TBXAS1: variants seen among roughly 807,000 people sequenced by gnomAD.
TBXAS1 encodes thromboxane-A synthase.
In TBXAS1, 48 loss-of-function variants were observed where a neutral mutation model predicts 60.7. That is an observed-to-expected ratio of 0.79 (90% CI 0.63 to 1.01). TBXAS1 has a LOEUF of 1.01. Among genes scored for constraint, TBXAS1 ranks in the 50% least tolerant of loss-of-function variants. The probability of loss-of-function intolerance (pLI) is 0.00; values close to 1 mark genes in which losing one functional copy is unlikely to be tolerated. For missense variants in TBXAS1, 685 were observed against 686.3 expected, an observed-to-expected ratio of 1.00 and a Z score of 0.02; for synonymous variants, 287 against 269.7, an observed-to-expected ratio of 1.06 and a Z score of -0.63.
intron 3 of TBXAS1, among the ~76,000 whole-genome samples, chr7:139,888,516 A>C (rs1803290436): frequency 6.6e-6 from 1 of 152,054 alleles, no homozygotes; most frequent in Non-Finnish European, 1.5e-5. Flanking sequence ...TTTTTCCCAC[A>C]GTCTTTCCAC....
chr7:139,902,130 T>TTG (rs1804628208), intron 3 of TBXAS1, among the ~76,000 whole-genome samples: 1 of 151,186 alleles, frequency 6.6e-6, no homozygotes, highest in African/African-American at 2.5e-5. Context: ...TTATATGCAC[T>TTG]CGTGTGTGTG....
intron 9 of TBXAS1, among the ~76,000 whole-genome samples, chr7:139,985,237 G>A (rs1225626136): frequency 1.3e-5 from 2 of 152,226 alleles, no homozygotes; most frequent in African/African-American, 4.8e-5. Context: ...CAAAGTTGAA[G>A]GCTATGTCCC....
intron 5 of TBXAS1, among the ~76,000 whole-genome samples, chr7:139,945,470 G>T (rs1808623039): frequency 6.6e-6 from 1 of 152,182 alleles, no homozygotes; most frequent in Admixed American, 6.5e-5. Context: ...GCCTCAATCT[G>T]TTCATGTTTC....
At chr7:139,978,965 A>G (rs1312568189) in intron 9 of TBXAS1, among the ~76,000 whole-genome samples, 2 of 152,164 alleles carry the variant, frequency 1.3e-5, no homozygotes, top group African/African-American at 4.8e-5. Context: ...CAAAAAAACT[A>G]AAAAAGACTA....
chr7:139,960,550 AGCCTG>A (rs1810246530), intron 8 of TBXAS1, among the ~76,000 whole-genome samples: 4 of 152,114 alleles, frequency 2.6e-5, no homozygotes, highest in Admixed American at 2.0e-4. Context: ...GTTCGAGACC[AGCCTG>A]ACCAACATGG....
At chr7:139,873,592 CTA>C (rs1801989440) in intron 2 of TBXAS1, among the ~76,000 whole-genome samples, 2 of 152,216 alleles carry the variant, frequency 1.3e-5, no homozygotes, top group South Asian at 4.1e-4. Context: ...GGGAGAATGG[CTA>C]TGGGTTGACA....
chr7:139,969,817 T>A (rs1253713923), intron 9 of TBXAS1, among the ~76,000 whole-genome samples: 1 of 152,084 alleles, frequency 6.6e-6, no homozygotes, highest in African/African-American at 2.4e-5. Flanking sequence ...TGCTGCTGAG[T>A]CTCTGCCTTC....
chr7:139,981,395 C>T (rs1811967926), intron 9 of TBXAS1, among the ~76,000 whole-genome samples: 2 of 152,200 alleles, frequency 1.3e-5, no homozygotes, highest in Admixed American at 1.3e-4. Context: ...GGATTACAGG[C>T]ATGAGCCACC....
chr7:139,792,468 G>A (rs1797418370), intron 4 of TBXAS1, among the ~76,000 whole-genome samples: 1 of 152,126 alleles, frequency 6.6e-6, no homozygotes, highest in Admixed American at 6.5e-5. Flanking sequence ...GGTCCCAGAG[G>A]TTTGTCTTTT....
chr7:139,947,344 T>C (rs1808807165), intron 5 of TBXAS1, among the ~76,000 whole-genome samples: 1 of 152,018 alleles, frequency 6.6e-6, no homozygotes, highest in Non-Finnish European at 1.5e-5. Flanking sequence ...TGTTCTCACT[T>C]ACAAGTGGGA....
intron 4 of TBXAS1, among the ~76,000 whole-genome samples, chr7:139,814,517 C>T (rs116045059): frequency 8.1e-4 from 123 of 152,212 alleles, no homozygotes; most frequent in African/African-American, 2.8e-3. Flanking sequence ...TGGTTGTTGC[C>T]ATTGGAGGAA....
intron 9 of TBXAS1, among the ~76,000 whole-genome samples, chr7:139,994,609 G>GA (rs1569523626): frequency 6.7e-6 from 1 of 149,494 alleles, no homozygotes; most frequent in South Asian, 2.1e-4. Flanking sequence ...GGATGAGCTG[G>GA]AAAAAAAGAA....
intron 3 of TBXAS1, among the ~76,000 whole-genome samples, chr7:139,907,840 G>T (rs985882300): frequency 2.6e-5 from 4 of 151,958 alleles, no homozygotes; most frequent in Non-Finnish European, 5.9e-5. Flanking sequence ...TAGTTTTGTG[G>T]TTGTAAGATT....
At chr7:139,943,866 T>G (rs1192899870) in intron 5 of TBXAS1, among the ~76,000 whole-genome samples, 3 of 152,116 alleles carry the variant, frequency 2.0e-5, no homozygotes, top group African/African-American at 2.4e-5. Flanking sequence ...AGGCATTAAT[T>G]TTTTCATTTT....
At chr7:139,922,155 G>A (rs1327264698) in intron 4 of TBXAS1, among the ~76,000 whole-genome samples, 1 of 149,774 alleles carries the variant, frequency 6.7e-6, no homozygotes, top group East Asian at 2.0e-4. Flanking sequence ...AGGCTGGAGT[G>A]CAATGGTGTG....
At chr7:139,912,149 G>C (rs981404502) in intron 4 of TBXAS1, among the ~76,000 whole-genome samples, 25 of 152,282 alleles carry the variant, frequency 1.6e-4, no homozygotes, top group Non-Finnish European at 2.4e-4. Context: ...AGAATTGCTT[G>C]AACGCTTGAA....
intron 4 of TBXAS1, among the ~76,000 whole-genome samples, chr7:139,811,079 T>G (rs991965196): frequency 6.6e-6 from 1 of 152,256 alleles, no homozygotes. Context: ...TGAGTTCACC[T>G]GAATTTAATT....
chr7:139,778,286 C>T (rs2254854), upstream of TBXAS1: 11,313 of 152,060 alleles, frequency 0.074, 728 homozygotes, highest in Admixed American at 0.19. This position sits in a 1 kb window ranked among gnomAD's most constrained non-coding sequence, Gnocchi z 4.8. Context: ...CGGCTCCGAG[C>T]CCAGCGCAGC....
chr7:139,952,898 T>C (rs891048458), intron 5 of TBXAS1, among the ~76,000 whole-genome samples: 3 of 152,220 alleles, frequency 2.0e-5, no homozygotes, highest in Non-Finnish European at 2.9e-5. Context: ...TGGATGACCT[T>C]AGGTTCCTTT....
Sources: allele counts gnomAD v4.1 joint callset (sites outside exome capture counted in the v4.1 genomes callset), GRCh38; gene constraint gnomAD v4.1.1; non-coding constraint Gnocchi (gnomAD v3.1); transcripts MANE v1.5; gene names NCBI Gene and HGNC (gene_info 2026-07-23, HGNC 2026-07-21).